Variants in TMEM255B observed in about 807,000 individuals in gnomAD.
TMEM255B encodes the protein transmembrane protein 255B.
Under a neutral mutation model 34.5 loss-of-function variants are expected in TMEM255B, and 35 were observed. The ratio of observed to expected loss-of-function variants is 1.01; its 90% CI spans 0.77 to 1.34. The LOEUF (loss-of-function observed/expected upper bound fraction) is 1.34, where lower values mean the gene tolerates loss of function less well. Ranked by LOEUF, TMEM255B falls within the 40% of genes most tolerant of loss-of-function variation. The probability of loss-of-function intolerance (pLI) is 0.00; values close to 1 mark genes in which losing one functional copy is unlikely to be tolerated. For synonymous variants in TMEM255B, 206 were observed against 201.2 expected (o/e 1.02, Z -0.20); for missense variants, 432 against 433.2 (o/e 1.00, Z 0.02).
rs1447640302 is a variant in TMEM255B at position 113,812,855 on chromosome 13, ATCCCGGGTGGGTCACAGG to A, written c.*958_*975del. 0.016 allele frequency: 1,367 copies of A among 87,998 alleles called. 13 individuals are homozygous for A. The highest frequency in any genetic ancestry group is 0.083 in the African/African-American group (1,252 of 15,168). 5.5% of individuals were successfully genotyped at this position (87,998 alleles called of 1,614,324 possible). A position where few individuals can be genotyped will look rare whatever the true frequency, so the allele number is the denominator to read the frequency against. On this transcript the variant is annotated 3_prime_UTR_variant, in exon 9 of 9. Coordinates refer to ENST00000375353, the MANE Select transcript of TMEM255B (RefSeq NM_182614.4). ...CACAGGTCCCGGGTGGGTCACAGGCATCCCGGGTGGGTCACAGGTCCCGAGTGGGTCACAGGCCCCGGG... is the reference window on the plus strand; with the variant it reads ...CACAGGTCCCGGGTGGGTCACAGGCATCCCGAGTGGGTCACAGGCCCCGGG...
chr13:113,776,427 G>C (rs569344137), intron 3 of TMEM255B, among the ~76,000 whole-genome samples: 1 of 152,254 alleles, frequency 6.6e-6, no homozygotes. Flanking sequence ...TCTCTTCTGC[G>C]GGCGGCACCT....
chr13:113,768,160 TG>T (rs1160269675), intron 2 of TMEM255B: 4 of 468,792 alleles, frequency 8.5e-6, no homozygotes, highest in Non-Finnish European at 1.8e-5. Flanking sequence ...AGACACTCAC[TG>T]GGAAGTGCGA....
At chr13:113,775,913 T>C (rs2050569511) in intron 3 of TMEM255B, among the ~76,000 whole-genome samples, 1 of 152,124 alleles carries the variant, frequency 6.6e-6, no homozygotes, top group African/African-American at 2.4e-5. Context: ...GCCCCACAGG[T>C]GGCTTGAGTC....
chr13:113,799,377 C>T lies in TMEM255B; in HGVS notation c.381C>T (p.Tyr127=), dbSNP rs1677034989. The change falls in exon 5 of 9, where the codon TAC becomes TAT. Residue 127 remains tyrosine, a synonymous_variant. Transcript: ENST00000375353. ...TCACCACGGGAAGATGCCAGTTTTACTCCAGTGGGGTGGGGTACTTGTACG... is the reference window on the plus strand; with the variant it reads ...TCACCACGGGAAGATGCCAGTTTTATTCCAGTGGGGTGGGGTACTTGTACG... ...RPLTTGRCQF[Y]SSGVGYLYDV... is the part of the protein sequence containing the mutation. 1 of 1,614,062 alleles carries T rather than the reference C, an allele frequency of 6.2e-7. No homozygotes were observed. Among genetic ancestry groups the T allele is most frequent in the South Asian group, 1.1e-5 (1 of 91,082 alleles).
Position 113,769,838 on chromosome 13 carries a change from G to A in TMEM255B, c.252+678G>A, listed in dbSNP as rs2050449262. 1 of 152,628 alleles carries A rather than the reference G, an allele frequency of 6.6e-6. No homozygotes were observed. Among genetic ancestry groups the A allele is most frequent in the Non-Finnish European group, 1.5e-5 (1 of 68,418 alleles). The allele number at this position is 152,628 out of a possible 1,614,324, so 9.5% of individuals were successfully genotyped here. On this transcript the variant is annotated intron_variant, in intron 3 of 8. Coordinates refer to ENST00000375353, the MANE Select transcript of TMEM255B (RefSeq NM_182614.4). The surrounding 1 kb of genome is among the most constrained non-coding windows in gnomAD (Gnocchi z 4.2). ...GCCAGGATTGAATTTTAAGAGCAGG[G>A]TTTAGAGGGGAGGTGGTTGGGCCAT...
intron 3 of TMEM255B, among the ~76,000 whole-genome samples, chr13:113,777,038 A>G (rs2050590848): frequency 6.6e-6 from 1 of 152,044 alleles, no homozygotes; most frequent in Admixed American, 6.5e-5. Context: ...CTGCCACAGA[A>G]GCTGCATCCA....
rs1435451758 is a variant in TMEM255B, at chr13:113,812,981, G to GCA, written c.*1078_*1079insCA. 8 of 133,624 alleles carry GCA rather than the reference G, an allele frequency of 6.0e-5. No homozygotes were observed. Among genetic ancestry groups the GCA allele is most frequent in the Non-Finnish European group, 8.6e-5 (5 of 58,074 alleles). The allele number at this position is 133,624 out of a possible 1,614,324, so 8.3% of individuals were successfully genotyped here. On this transcript the variant is annotated 3_prime_UTR_variant, in exon 9 of 9. Transcript: ENST00000375353. Reference sequence around the variant, plus strand: ...GTCACGGGCCCCGGGTGGGTCACGGGTCCCGGGTGGGTCACGGGTCCCGAG... The same window carrying GCA: ...GTCACGGGCCCCGGGTGGGTCACGGGCATCCCGGGTGGGTCACGGGTCCCGAG...
rs2051397193 is a variant in TMEM255B, at chr13:113,816,039, T to C, written c.*4136T>C. 1 of 187,898 alleles carries C rather than the reference T, an allele frequency of 5.3e-6. No individual in the cohort carries two copies. The highest frequency in any genetic ancestry group is 1.2e-5 in the Non-Finnish European group (1 of 85,764). The allele number at this position is 187,898 out of a possible 1,614,324, so 11.6% of individuals were successfully genotyped here. A position where few individuals can be genotyped will look rare whatever the true frequency, so the allele number is the denominator to read the frequency against. On this transcript the variant is annotated 3_prime_UTR_variant, in exon 9 of 9. Coordinates refer to ENST00000375353, the MANE Select transcript of TMEM255B (RefSeq NM_182614.4). ...GGTTCTTTTCGGGGAGGCAAGCGTG[T>C]TCGCAGCGTGTTCTGTATGGGGAGA...
intron 3 of TMEM255B, among the ~76,000 whole-genome samples, chr13:113,786,447 TCATCAC>T (rs1034326815): frequency 2.0e-5 from 3 of 151,732 alleles, no homozygotes; most frequent in South Asian, 2.1e-4. Flanking sequence ...ATCACTGTTG[TCATCAC>T]CATCACCATC....
At chr13:113,794,093 T>G (rs1272077642) in intron 3 of TMEM255B, among the ~76,000 whole-genome samples, 1 of 152,132 alleles carries the variant, frequency 6.6e-6, no homozygotes, top group Non-Finnish European at 1.5e-5. Flanking sequence ...CACAGGGCCA[T>G]GCTGACATCG....
chr13:113,788,047 A>G (rs557420008), intron 3 of TMEM255B, among the ~76,000 whole-genome samples: 1,475 of 34,624 alleles, frequency 0.043, no homozygotes, highest in Middle Eastern at 0.17. Context: ...AGGCGGAGGG[A>G]GTGGGGATGG....
chr13:113,797,323 T>C (rs1161938289), intron 4 of TMEM255B, among the ~76,000 whole-genome samples: 1 of 152,218 alleles, frequency 6.6e-6, no homozygotes, highest in Non-Finnish European at 1.5e-5. Context: ...CACTGCCTCG[T>C]GTGCTGCTGA....
At chr13:113,788,890 CT>C (rs1482699510) in intron 3 of TMEM255B, among the ~76,000 whole-genome samples, 5 of 152,146 alleles carry the variant, frequency 3.3e-5, no homozygotes, top group Non-Finnish European at 7.4e-5. Context: ...CCGCGCCTCC[CT>C]CCCTCCCTCC....
At chr13:113,786,917 G>A (rs995344783) in intron 3 of TMEM255B, among the ~76,000 whole-genome samples, 2 of 152,220 alleles carry the variant, frequency 1.3e-5, no homozygotes, top group Non-Finnish European at 2.9e-5. Flanking sequence ...TTTTGAGGAG[G>A]AGTGAGCCCT....
intron 3 of TMEM255B, among the ~76,000 whole-genome samples, chr13:113,780,425 G>A (rs942070536): frequency 1.3e-5 from 2 of 152,192 alleles, no homozygotes; most frequent in African/African-American, 4.8e-5. Flanking sequence ...AGAAAATCAG[G>A]TAGAGAGGAA....
chr13:113,810,050 G>A (rs972306838), intron 8 of TMEM255B, among the ~76,000 whole-genome samples: 1 of 152,160 alleles, frequency 6.6e-6, no homozygotes, highest in Admixed American at 6.5e-5. Flanking sequence ...ACCTACACCT[G>A]TGCAGAAATT....
At position 113,795,245 on chromosome 13, in the gene TMEM255B, C is replaced by T; in HGVS notation, c.342+8C>T. ...TTTGCAGCACAGCACATTGTGAGTACATTGTCATTGTGTGCACAGTCGCTT... is the reference window on the plus strand; with the variant it reads ...TTTGCAGCACAGCACATTGTGAGTATATTGTCATTGTGTGCACAGTCGCTT... On this transcript the variant is annotated splice_region_variant and intron_variant, in intron 4 of 8. Transcript: ENST00000375353. 3 of 1,612,790 alleles carry T rather than the reference C, an allele frequency of 1.9e-6. No individual in the cohort carries two copies. Among genetic ancestry groups the T allele is most frequent in the Non-Finnish European group, 1.7e-6 (2 of 1,179,384 alleles).
rs535653005 is a variant in TMEM255B at position 113,766,637 on chromosome 13, C to T, written c.189+380C>T. ...AGGAGCCCAGGATGTCCAAAAAGGC[C>T]GGACAGAGCCTCCCCAAGCATCCTG... is the stretch of plus-strand genomic sequence containing the variant. On this transcript the variant is annotated intron_variant, in intron 2 of 8. Coordinates refer to ENST00000375353, the MANE Select transcript of TMEM255B (RefSeq NM_182614.4). 3.3e-5 allele frequency among the ~76,000 whole-genome samples: 5 copies of T among 152,290 alleles called. No homozygotes were observed. The East Asian group carries it at 7.7e-4, about 24-fold the overall frequency.
At chr13:113,766,994 C>T (rs1298989413) in intron 2 of TMEM255B, among the ~76,000 whole-genome samples, 1 of 152,244 alleles carries the variant, frequency 6.6e-6, no homozygotes, top group African/African-American at 2.4e-5. Flanking sequence ...CAGTGAACCT[C>T]TGTTGGAATG....
Sources: allele counts gnomAD v4.1 joint callset (sites outside exome capture counted in the v4.1 genomes callset), GRCh38; gene constraint gnomAD v4.1.1; non-coding constraint Gnocchi (gnomAD v3.1); transcripts MANE v1.5; gene names NCBI Gene and HGNC (gene_info 2026-07-23, HGNC 2026-07-21).